Variants in ALDH5A1 observed in about 807,000 individuals in gnomAD.
ALDH5A1 encodes aldehyde dehydrogenase 5 family member A1, also known as succinate-semialdehyde dehydrogenase, mitochondrial.
In ALDH5A1, 33 loss-of-function variants were observed where a neutral mutation model predicts 54.7. That is an observed-to-expected ratio of 0.60 (90% CI 0.46 to 0.81). ALDH5A1 has a LOEUF of 0.81. Ranked by LOEUF, ALDH5A1 falls within the 30% of genes least tolerant of loss-of-function variation. The pLI, the probability that ALDH5A1 is intolerant of heterozygous loss-of-function variation, is 0.00. For synonymous variants in ALDH5A1, 294 were observed against 292.7 expected (o/e 1.00, Z -0.05); for missense variants, 657 against 711.0 (o/e 0.92, Z 0.86).
chr6:24,497,868 A>G (rs1764744851), intron 1 of ALDH5A1, among the ~76,000 whole-genome samples: 2 of 152,156 alleles, frequency 1.3e-5, no homozygotes, highest in Non-Finnish European at 2.9e-5. Flanking sequence ...TACATTTTGA[A>G]AGGCCACTCT....
chr6:24,515,434 T>C, intron 5 of ALDH5A1, 124 bp downstream of exon 5: 1 of 1,228,946 alleles, frequency 8.1e-7, no homozygotes, highest in Non-Finnish European at 1.1e-6. Context: ...TGTTAAAAGC[T>C]CTGTCGCAGG....
intron 1 of ALDH5A1, among the ~76,000 whole-genome samples, 192 bp downstream of exon 1, chr6:24,495,542 G>A (rs1158097069): frequency 1.3e-5 from 2 of 152,190 alleles, no homozygotes; most frequent in African/African-American, 4.8e-5. Context: ...ACTTTGAGCC[G>A]GGCACTAGGG....
chr6:24,501,810 GAA>G (rs1764822951), intron 1 of ALDH5A1, among the ~76,000 whole-genome samples: 1 of 151,560 alleles, frequency 6.6e-6, no homozygotes, highest in African/African-American at 2.4e-5. Flanking sequence ...AAAAAACACA[GAA>G]GTTCAATGTA....
chr6:24,525,015 C>A (rs1420815569), intron 7 of ALDH5A1, among the ~76,000 whole-genome samples: 3 of 152,094 alleles, frequency 2.0e-5, no homozygotes, highest in Non-Finnish European at 4.4e-5. Flanking sequence ...GTGCTGTACG[C>A]CAGGACTTCA....
chr6:24,520,308 C>G (rs1388912056), intron 5 of ALDH5A1, 93 bp from the exon 6 acceptor site: 6 of 1,527,554 alleles, frequency 3.9e-6, no homozygotes, highest in Non-Finnish European at 5.4e-6. Flanking sequence ...GTGCACCTTG[C>G]TTTTTTCACC....
intron 3 of ALDH5A1, 94 bp downstream of exon 3, chr6:24,503,527 TGTTA>T (rs974417053): frequency 1.4e-6 from 2 of 1,431,776 alleles, no homozygotes; most frequent in East Asian, 2.4e-5. Flanking sequence ...GTGCTCATCC[TGTTA>T]GTTTTGTCAC....
chr6:24,503,165 C>T, intron 2 of ALDH5A1, 98 bp from the exon 3 acceptor site: 4 of 1,462,250 alleles, frequency 2.7e-6, no homozygotes, highest in Non-Finnish European at 3.7e-6. Flanking sequence ...TTATAGGAGA[C>T]TTTTCTACTC....
rs371923295 is a variant in ALDH5A1 at position 24,495,058 on chromosome 6, G to A, written c.62G>A (p.Gly21Asp). Residue 21 changes from glycine to aspartate, a missense_variant, in exon 1 of 10, where the codon GGC (glycine) becomes GAC (aspartate). Physicochemically the swap from Gly to Asp is moderately conservative, Grantham distance 94. Transcript: ENST00000357578. ...GARRLGSTFP[G>D]CRLRPRAGGL... is the part of the protein sequence containing the mutation. ...CGGCGCCTCGGGTCGACGTTTCCAG[G>A]CTGCCGCCTCCGCCCCCGCGCCGGC... The A allele has an allele frequency of 5.6e-5, 76 of 1,349,426 alleles. No homozygotes were observed. The East Asian group carries it at 1.5e-3, about 26-fold the overall frequency. The allele number at this position is 1,349,426 out of a possible 1,614,324, so 83.6% of individuals were successfully genotyped here.
intron 1 of ALDH5A1, 132 bp downstream of exon 1, chr6:24,495,482 G>A: frequency 1.1e-6 from 1 of 908,560 alleles, no homozygotes; most frequent in Non-Finnish European, 1.6e-6. Flanking sequence ...ATACAAAGTG[G>A]AAAGTCAGAG....
intron 5 of ALDH5A1, among the ~76,000 whole-genome samples, chr6:24,519,897 C>T (rs1759644949): frequency 6.6e-6 from 1 of 151,790 alleles, no homozygotes; most frequent in Admixed American, 6.6e-5. Flanking sequence ...TTTTTAAGCC[C>T]ATCATATAAT....
chr6:24,501,914 G>GTGTGTGTGT (rs1561868970), intron 1 of ALDH5A1, among the ~76,000 whole-genome samples: 2 of 146,824 alleles, frequency 1.4e-5, no homozygotes, highest in African/African-American at 2.5e-5. Flanking sequence ...TGTGTGTGTG[G>GTGTGTGTGT]GTGTATATAT....
intron 1 of ALDH5A1, among the ~76,000 whole-genome samples, chr6:24,502,267 T>C (rs1764835436): frequency 6.6e-6 from 1 of 152,174 alleles, no homozygotes; most frequent in Non-Finnish European, 1.5e-5. Context: ...CCCACCTGAA[T>C]TTTTGAAGGC....
chr6:24,527,928 T>C, intron 7 of ALDH5A1, 69 bp from the exon 8 acceptor site: 1 of 1,574,390 alleles, frequency 6.4e-7, no homozygotes, highest in Non-Finnish European at 8.7e-7. Context: ...CTAGTTATAG[T>C]TTTCTGCAGT....
chr6:24,496,289 A>G (rs1764703249), intron 1 of ALDH5A1, among the ~76,000 whole-genome samples: 1 of 152,200 alleles, frequency 6.6e-6, no homozygotes, highest in Non-Finnish European at 1.5e-5. Context: ...GGGGAGCAGA[A>G]GAGAGATCAG....
chr6:24,532,088 C>T, intron 8 of ALDH5A1, 31 bp from the exon 9 acceptor site: 4 of 1,608,422 alleles, frequency 2.5e-6, no homozygotes, highest in Non-Finnish European at 3.4e-6. Flanking sequence ...CTCCCCCTTA[C>T]ATTTTTTATG....
intron 5 of ALDH5A1, among the ~76,000 whole-genome samples, chr6:24,516,859 G>A (rs567531521): frequency 7.2e-5 from 11 of 152,206 alleles, no homozygotes; most frequent in Admixed American, 1.3e-4. Flanking sequence ...GGAGGTTGAG[G>A]CTGCAGTGAG....
At chr6:24,525,720 A>G (rs889625513) in intron 7 of ALDH5A1, among the ~76,000 whole-genome samples, 1 of 139,814 alleles carries the variant, frequency 7.2e-6, no homozygotes, top group Admixed American at 7.0e-5. Context: ...ACAGAAGTCA[A>G]AATAGATGGG....
intron 4 of ALDH5A1, among the ~76,000 whole-genome samples, chr6:24,508,964 G>A (rs964445442): frequency 6.6e-6 from 1 of 152,030 alleles, no homozygotes; most frequent in Non-Finnish European, 1.5e-5. Flanking sequence ...TTTGATGGGA[G>A]TGTTTTCTTT....
chr6:24,526,837 A>C lies in ALDH5A1; in HGVS notation c.1174-1160A>C, dbSNP rs564676953. ...ATGAATGAAAAGGGAATATATATAT[A>C]TCTTCTCTATATATATATATTCTAT... On this transcript the variant is annotated intron_variant, in intron 7 of 9. Coordinates refer to ENST00000357578, the MANE Select transcript of ALDH5A1 (RefSeq NM_001080.3). Among the ~76,000 whole-genome samples the C allele has an allele frequency of 5.5e-5, 8 of 144,782 alleles. No individual in the cohort carries two copies. In the South Asian group the frequency reaches 1.3e-3, roughly 23 times the overall value. 95.0% of individuals were successfully genotyped at this position (144,782 alleles called of 152,430 possible).
Sources: gnomAD v4.1 joint callset for allele counts (sites outside exome capture counted in the v4.1 genomes callset) on GRCh38, gnomAD v4.1.1 for gene constraint, MANE v1.5 for transcripts, NCBI Gene and HGNC (gene_info 2026-07-23, HGNC 2026-07-21) for gene names.